The following WDFY4 variants were observed in gnomAD, a reference collection of about 807,000 sequenced individuals.
WDFY4 encodes the protein WD repeat- and FYVE domain-containing protein 4.
WDFY4 carries 169 observed loss-of-function variants against 351.9 expected under a neutral mutation model. That is an observed-to-expected ratio of 0.48 (90% CI 0.42 to 0.55). The LOEUF (loss-of-function observed/expected upper bound fraction) is 0.55, where lower values mean the gene tolerates loss of function less well. Ranked by LOEUF, WDFY4 falls within the 20% of genes least tolerant of loss-of-function variation. The probability of loss-of-function intolerance (pLI) is 0.00; values close to 1 mark genes in which losing one functional copy is unlikely to be tolerated. For missense variants in WDFY4, 3,803 were observed against 3,935.6 expected (o/e 0.97, Z 0.90); for synonymous variants, 1,622 against 1,574.6 (o/e 1.03, Z -0.71).
At chr10:48,954,562 C>T (rs533252533) in intron 51 of WDFY4, among the ~76,000 whole-genome samples, 1 of 152,266 alleles carries the variant, frequency 6.6e-6, no homozygotes, top group East Asian at 1.9e-4. Flanking sequence ...TGCCTCTTAC[C>T]TTCTTGCCCC....
At chr10:48,686,943 G>T (rs563743989) in intron 1 of WDFY4, among the ~76,000 whole-genome samples, 1 of 152,096 alleles carries the variant, frequency 6.6e-6, no homozygotes, top group African/African-American at 2.4e-5. Flanking sequence ...ATGTCACCAC[G>T]TTGTTTTCCA....
At chr10:48,915,248 A>G (rs150999847) in intron 47 of WDFY4, among the ~76,000 whole-genome samples, 90 of 152,290 alleles carry the variant, frequency 5.9e-4, no homozygotes, top group African/African-American at 1.9e-3. Context: ...ATTGCTACAC[A>G]TATTGTTTCT....
chr10:48,790,499 G>C (rs984843008), intron 22 of WDFY4, among the ~76,000 whole-genome samples: 1 of 152,204 alleles, frequency 6.6e-6, no homozygotes, highest in African/African-American at 2.4e-5. Context: ...ACTCTGGGCT[G>C]TTCAGCCTTC....
At chr10:48,882,484 G>A (rs1445121061) in intron 43 of WDFY4, among the ~76,000 whole-genome samples, 1 of 152,206 alleles carries the variant, frequency 6.6e-6, no homozygotes. Context: ...AGGCAGGTGT[G>A]TTAGTCCATT....
At chr10:48,744,559 C>T (rs183029953) in intron 12 of WDFY4, among the ~76,000 whole-genome samples, 9 of 152,306 alleles carry the variant, frequency 5.9e-5, no homozygotes, top group Admixed American at 1.3e-4. Flanking sequence ...CTTTCATACT[C>T]CTTTCCTGGC....
chr10:48,795,491 G>GTGTATATATATATA (rs1416892459), intron 23 of WDFY4, among the ~76,000 whole-genome samples: 1 of 101,240 alleles, frequency 9.9e-6, no homozygotes, highest in African/African-American at 4.5e-5. Context: ...GTGTGTGTCT[G>GTGTATATATATATA]TATATATATA....
chr10:48,823,179 T>A (rs538166678), intron 35 of WDFY4: 6 of 1,292,492 alleles, frequency 4.6e-6, no homozygotes, highest in South Asian at 1.2e-5. Context: ...TTTTTTTTTT[T>A]AGATCTCAGC....
At chr10:48,794,514 C>G (rs901877040) in intron 23 of WDFY4, among the ~76,000 whole-genome samples, 24 of 151,974 alleles carry the variant, frequency 1.6e-4, no homozygotes, top group Non-Finnish European at 2.9e-4. Context: ...TCATCGCCAC[C>G]ATGATGATAT....
chr10:48,720,861 G>A, intron 3 of WDFY4, among the ~76,000 whole-genome samples: 1 of 152,184 alleles, frequency 6.6e-6, no homozygotes, highest in Non-Finnish European at 1.5e-5. Context: ...GAGGGCCGAG[G>A]GTCAGGAGGA....
intron 12 of WDFY4, among the ~76,000 whole-genome samples, chr10:48,750,747 G>A (rs113925522): frequency 7.9e-5 from 12 of 152,332 alleles, no homozygotes; most frequent in East Asian, 5.8e-4. Flanking sequence ...CACTTAAGTC[G>A]TCTCTTCCCC....
intron 2 of WDFY4, among the ~76,000 whole-genome samples, chr10:48,711,719 C>A (rs760931639): frequency 6.6e-6 from 1 of 152,194 alleles, no homozygotes; most frequent in Non-Finnish European, 1.5e-5. Flanking sequence ...GGTGACACAC[C>A]ACCCTCATGG....
intron 12 of WDFY4, 86 bp downstream of exon 12, chr10:48,743,634 G>A (rs1302675666): frequency 1.4e-6 from 2 of 1,407,006 alleles, no homozygotes; most frequent in Non-Finnish European, 1.9e-6. Context: ...TCAGTAGGAA[G>A]GCTCAGCTAC....
chr10:48,838,175 T>C (rs2068470691), intron 39 of WDFY4, among the ~76,000 whole-genome samples: 1 of 152,126 alleles, frequency 6.6e-6, no homozygotes, highest in Non-Finnish European at 1.5e-5. Flanking sequence ...AGCAAAAGCT[T>C]TCTGTAGGAA....
chr10:48,891,559 A>T lies in WDFY4; in HGVS notation c.7316+832A>T, dbSNP rs151105999. 2.6e-5 allele frequency among the ~76,000 whole-genome samples: 4 copies of T among 152,324 alleles called. No homozygotes were observed. The South Asian group carries it at 8.3e-4, about 32-fold the overall frequency. ...AGATAGGCCTTGCCTTTTCCAGTTG[A>T]CCCAGGTTCAGATAATGACAAGATG... On this transcript the variant is annotated intron_variant, in intron 44 of 61. Coordinates refer to ENST00000325239, the MANE Select transcript of WDFY4 (RefSeq NM_001394531.1).
At chr10:48,807,511 T>C (rs1325280973) in intron 27 of WDFY4, among the ~76,000 whole-genome samples, 1 of 152,252 alleles carries the variant, frequency 6.6e-6, no homozygotes, top group African/African-American at 2.4e-5. Flanking sequence ...TCCTGATTAC[T>C]TGCATAATAT....
At chr10:48,894,012 G>C (rs980061180) in intron 44 of WDFY4, among the ~76,000 whole-genome samples, 1 of 152,130 alleles carries the variant, frequency 6.6e-6, no homozygotes, top group African/African-American at 2.4e-5. Context: ...TCATTTTGTA[G>C]AACATGTAGG....
chr10:48,839,230 G>A (rs2068513452), intron 39 of WDFY4, among the ~76,000 whole-genome samples: 1 of 152,202 alleles, frequency 6.6e-6, no homozygotes, highest in African/African-American at 2.4e-5. Flanking sequence ...GAGCTGAGCT[G>A]AGGATGTCAA....
chr10:48,894,985 T>A (rs1167354567), intron 44 of WDFY4, among the ~76,000 whole-genome samples: 1 of 152,158 alleles, frequency 6.6e-6, no homozygotes, highest in Non-Finnish European at 1.5e-5. Flanking sequence ...GCAGAAGCAT[T>A]CAGAACCAAA....
intron 13 of WDFY4, among the ~76,000 whole-genome samples, chr10:48,772,026 T>G (rs886504004): frequency 6.6e-6 from 1 of 152,134 alleles, no homozygotes; most frequent in African/African-American, 2.4e-5. Context: ...ACATGGCCAT[T>G]GATCTCCTTT....
Sources: gnomAD v4.1 joint callset for allele counts (sites outside exome capture counted in the v4.1 genomes callset) on GRCh38, gnomAD v4.1.1 for gene constraint, MANE v1.5 for transcripts, NCBI Gene and HGNC (gene_info 2026-07-23, HGNC 2026-07-21) for gene names.